The following AIG1 variants were observed in gnomAD, a reference collection of about 807,000 sequenced individuals.
The protein encoded by AIG1 is androgen-induced gene 1 protein.
In AIG1, 23 loss-of-function variants were observed where a neutral mutation model predicts 31.4. The observed-to-expected ratio is 0.73, with a 90% CI of 0.53 to 1.04. The LOEUF (loss-of-function observed/expected upper bound fraction) is 1.04, where lower values mean the gene tolerates loss of function less well. Among genes scored for constraint, AIG1 ranks in the 50% least tolerant of loss-of-function variants. The pLI is 0.00. For synonymous variants in AIG1, 100 were observed against 110.5 expected, an observed-to-expected ratio of 0.90 and a Z score of 0.60; for missense variants, 274 against 295.0, an observed-to-expected ratio of 0.93 and a Z score of 0.52.
At chr6:143,286,566 T>TTCC (rs1338607885) in intron 4 of AIG1, among the ~76,000 whole-genome samples, 2 of 152,174 alleles carry the variant, frequency 1.3e-5, no homozygotes, top group East Asian at 3.8e-4. Flanking sequence ...TGGCTTTTGC[T>TTCC]TCCTTTCAGA....
intron 1 of AIG1, among the ~76,000 whole-genome samples, chr6:143,068,916 T>G (rs893815954): frequency 3.3e-5 from 5 of 152,240 alleles, no homozygotes; most frequent in African/African-American, 1.2e-4. Flanking sequence ...GATATTTGAC[T>G]TTTCAGTCAT....
intron 3 of AIG1, among the ~76,000 whole-genome samples, chr6:143,207,490 T>A (rs1264427071): frequency 6.6e-6 from 1 of 150,464 alleles, no homozygotes; most frequent in East Asian, 2.0e-4. Flanking sequence ...CAGCAAACTT[T>A]CAATTTAGAT....
chr6:143,296,298 A>G (rs1444609022), intron 4 of AIG1, among the ~76,000 whole-genome samples: 1 of 152,224 alleles, frequency 6.6e-6, no homozygotes, highest in Non-Finnish European at 1.5e-5. Flanking sequence ...CTGACATCCT[A>G]TAGGAGAGAT....
At chr6:143,204,600 CCA>C (rs1790962631) in intron 3 of AIG1, among the ~76,000 whole-genome samples, 2 of 152,044 alleles carry the variant, frequency 1.3e-5, no homozygotes, top group African/African-American at 4.8e-5. Context: ...GTCCCTAAGG[CCA>C]GCTCAGATTC....
intron 1 of AIG1, among the ~76,000 whole-genome samples, chr6:143,114,936 G>T (rs1781613661): frequency 6.6e-6 from 1 of 152,222 alleles, no homozygotes; most frequent in Non-Finnish European, 1.5e-5. Context: ...AAAGTGCCCA[G>T]CACAGAGCCT....
chr6:143,203,434 C>A lies in AIG1; in HGVS notation c.399+38251C>A, dbSNP rs1052775330. 3.9e-5 allele frequency among the ~76,000 whole-genome samples: 6 copies of A among 152,152 alleles called. No homozygotes were observed. The East Asian group carries it at 1.2e-3, about 29-fold the overall frequency. ...GATAAAGGGTGATTACAAAATTCACCTTTTGACTTTCCACATTAATTTCAA... is the reference window on the plus strand; with the variant it reads ...GATAAAGGGTGATTACAAAATTCACATTTTGACTTTCCACATTAATTTCAA... On this transcript the variant is annotated intron_variant, in intron 3 of 5. Coordinates refer to ENST00000357847, the MANE Select transcript of AIG1 (RefSeq NM_016108.4).
intron 4 of AIG1, among the ~76,000 whole-genome samples, chr6:143,312,749 C>T (rs1775400821): frequency 6.6e-6 from 1 of 151,884 alleles, no homozygotes; most frequent in Admixed American, 6.6e-5. Flanking sequence ...ACAAAGGAAA[C>T]CATCAATAAA....
intron 2 of AIG1, among the ~76,000 whole-genome samples, chr6:143,143,021 G>C (rs558738272): frequency 6.6e-6 from 1 of 151,994 alleles, no homozygotes; most frequent in African/African-American, 2.4e-5. Flanking sequence ...CTTAAAAATC[G>C]CAGTTTCATT....
rs1797845998 is a variant in AIG1 at position 143,288,495 on chromosome 6, G to C, written c.515+4270G>C. Among the ~76,000 whole-genome samples, 1 of 152,206 alleles carries C rather than the reference G, an allele frequency of 6.6e-6. No individual in the cohort carries two copies. The highest frequency in any genetic ancestry group is 2.1e-4 in the South Asian group (1 of 4,832). ...GGATAAATATTCCTTGTCAACTGCT[G>C]TGAGTGTATTTAAAGCAAAATAGAG... is the stretch of plus-strand genomic sequence containing the variant. On this transcript the variant is annotated intron_variant, in intron 4 of 5. Transcript: ENST00000357847. The surrounding 1 kb of genome is among the most constrained non-coding windows in gnomAD (Gnocchi z 4.4).
intron 1 of AIG1, among the ~76,000 whole-genome samples, chr6:143,074,953 A>G (rs1777602851): frequency 6.6e-6 from 1 of 152,250 alleles, no homozygotes; most frequent in South Asian, 2.1e-4. Context: ...TTTACCAGTG[A>G]AAACCACTGG....
intron 3 of AIG1, among the ~76,000 whole-genome samples, chr6:143,246,575 A>T (rs1794639595): frequency 6.6e-6 from 1 of 152,232 alleles, no homozygotes; most frequent in Non-Finnish European, 1.5e-5. Flanking sequence ...CCACATCAGG[A>T]ATTAAATGAG....
chr6:143,342,656 G>C (rs551888916), downstream of AIG1: 1 of 1,229,250 alleles, frequency 8.1e-7, no homozygotes, highest in Non-Finnish European at 1.2e-6. Flanking sequence ...TGGCATAAAA[G>C]CTGATTGGTT....
At chr6:143,250,629 T>C (rs1390476123) in intron 3 of AIG1, among the ~76,000 whole-genome samples, 1 of 151,942 alleles carries the variant, frequency 6.6e-6, no homozygotes, top group Admixed American at 6.6e-5. Context: ...TAGACACACA[T>C]TGAGCAGGGG....
chr6:143,303,790 G>T (rs1308051380), intron 4 of AIG1, among the ~76,000 whole-genome samples: 1 of 142,236 alleles, frequency 7.0e-6, no homozygotes, highest in Non-Finnish European at 1.5e-5. Flanking sequence ...GATGGGGATG[G>T]CATTGAATCT....
chr6:143,193,817 G>A (rs1228723576), intron 3 of AIG1, among the ~76,000 whole-genome samples: 1 of 152,112 alleles, frequency 6.6e-6, no homozygotes, highest in Non-Finnish European at 1.5e-5. Context: ...AGTATTTATT[G>A]AATCCTCACA....
chr6:143,121,863 T>A (rs1782268430), intron 1 of AIG1, among the ~76,000 whole-genome samples: 1 of 152,216 alleles, frequency 6.6e-6, no homozygotes, highest in South Asian at 2.1e-4. Context: ...TGTCAACTTG[T>A]TTTTCCTCGC....
intron 4 of AIG1, among the ~76,000 whole-genome samples, chr6:143,295,088 C>A (rs951234608): frequency 6.6e-6 from 1 of 152,158 alleles, no homozygotes; most frequent in African/African-American, 2.4e-5. Flanking sequence ...CCTGCATCCC[C>A]TTGTCATCAT....
At chr6:143,342,444 A>C, downstream of AIG1, 1 of 764,108 alleles carries the variant, frequency 1.3e-6, no homozygotes. Flanking sequence ...AAGATCAGAC[A>C]CGGCAACAAG....
intron 1 of AIG1, among the ~76,000 whole-genome samples, chr6:143,136,625 A>G (rs1783779909): frequency 1.3e-5 from 2 of 152,194 alleles, no homozygotes; most frequent in Admixed American, 1.3e-4. Flanking sequence ...TCCCGAGGTG[A>G]GTGAAAATGG....
Sources: gnomAD v4.1 joint callset for allele counts (sites outside exome capture counted in the v4.1 genomes callset) on GRCh38, gnomAD v4.1.1 for gene constraint, Gnocchi (gnomAD v3.1) non-coding constraint, MANE v1.5 for transcripts, NCBI Gene and HGNC (gene_info 2026-07-23, HGNC 2026-07-21) for gene names.